The following PLEKHG7 variants were observed in gnomAD, a reference collection of about 807,000 sequenced individuals.
PLEKHG7 encodes the protein pleckstrin homology domain-containing family G member 7.
Under a neutral mutation model 85.2 loss-of-function variants are expected in PLEKHG7, and 77 were observed. The observed-to-expected ratio is 0.90, with a 90% CI of 0.75 to 1.09. PLEKHG7 has a LOEUF of 1.09. Among genes scored for constraint, PLEKHG7 ranks in the 50% least tolerant of loss-of-function variants. The probability of loss-of-function intolerance (pLI) is 0.00; values close to 1 mark genes in which losing one functional copy is unlikely to be tolerated. For synonymous variants in PLEKHG7, 301 were observed against 302.4 expected, an observed-to-expected ratio of 1.00 and a Z score of 0.05; for missense variants, 777 against 804.3, an observed-to-expected ratio of 0.97 and a Z score of 0.41.
intron 14 of PLEKHG7, among the ~76,000 whole-genome samples, chr12:92,762,595 C>G (rs1475561689): frequency 6.6e-6 from 1 of 152,150 alleles, no homozygotes; most frequent in Non-Finnish European, 1.5e-5. Context: ...ATTTCACAAT[C>G]TGTTTCCTGA....
At chr12:92,720,827 A>T (rs1203897369) in intron 3 of PLEKHG7, among the ~76,000 whole-genome samples, 1 of 152,202 alleles carries the variant, frequency 6.6e-6, no homozygotes, top group Middle Eastern at 3.2e-3. Flanking sequence ...ATTATACCCC[A>T]TTCTTTTTCC....
chr12:92,755,809 A>G lies in PLEKHG7; in HGVS notation c.1427-16A>G, dbSNP rs1872809424. On this transcript the variant is annotated splice_polypyrimidine_tract_variant and intron_variant, in intron 11 of 16. Coordinates refer to ENST00000344636, the MANE Select transcript of PLEKHG7 (RefSeq NM_001377329.1). ...ATATGCACCTAAAAATATACTGACT[A>G]TGTCATGTCTTTCAGGGGACCTTGA... The G allele has an allele frequency of 2.0e-6, 3 of 1,519,618 alleles. No homozygotes were observed. The highest frequency in any genetic ancestry group is 3.4e-5 in the Admixed American group (2 of 59,112). 94.1% of individuals were successfully genotyped at this position (1,519,618 alleles called of 1,614,324 possible). A position where few individuals can be genotyped will look rare whatever the true frequency, so the allele number is the denominator to read the frequency against.
intron 4 of PLEKHG7, among the ~76,000 whole-genome samples, chr12:92,730,475 C>T (rs1381662989): frequency 2.0e-5 from 3 of 152,226 alleles, no homozygotes; most frequent in Admixed American, 2.0e-4. Context: ...ATCAGAAACT[C>T]TGGGGGTGGT....
At chr12:92,734,405 A>C (rs146876396) in intron 5 of PLEKHG7, among the ~76,000 whole-genome samples, 2 of 152,142 alleles carry the variant, frequency 1.3e-5, no homozygotes, top group Non-Finnish European at 2.9e-5. Flanking sequence ...TACTGTTTGC[A>C]TGTATTCTTG....
At chr12:92,739,863 C>A (rs1383905967) in intron 7 of PLEKHG7, among the ~76,000 whole-genome samples, 1 of 152,196 alleles carries the variant, frequency 6.6e-6, no homozygotes. Context: ...AATTTCCAGA[C>A]AACCAATACT....
intron 3 of PLEKHG7, among the ~76,000 whole-genome samples, chr12:92,718,520 G>A (rs1455986225): frequency 6.6e-6 from 1 of 152,122 alleles, no homozygotes; most frequent in Non-Finnish European, 1.5e-5. Flanking sequence ...AAATGTTTAA[G>A]GAAAGAAAAA....
chr12:92,711,830 C>A (rs1479912853), intron 3 of PLEKHG7, among the ~76,000 whole-genome samples: 1 of 152,176 alleles, frequency 6.6e-6, no homozygotes, highest in Non-Finnish European at 1.5e-5. Flanking sequence ...TGTTGCAGAG[C>A]CTTCTGTTCT....
At chr12:92,723,479 T>C (rs947352694) in intron 3 of PLEKHG7, among the ~76,000 whole-genome samples, 1 of 152,194 alleles carries the variant, frequency 6.6e-6, no homozygotes, top group African/African-American at 2.4e-5. Flanking sequence ...TTAAAGAGTG[T>C]CAGTCTAATG....
chr12:92,771,281 G>C lies in PLEKHG7; in HGVS notation c.*1086G>C, dbSNP rs978235098. 6.6e-6 allele frequency: 1 copy of C among 152,048 alleles called. No individual in the cohort carries two copies. Among genetic ancestry groups the C allele is most frequent in the African/African-American group, 2.4e-5 (1 of 41,416 alleles). The allele number at this position is 152,048 out of a possible 1,614,324, so 9.4% of individuals were successfully genotyped here. On this transcript the variant is annotated 3_prime_UTR_variant, in exon 17 of 17. Transcript: ENST00000344636. ...TGGCTGCAAGACAACTGAAGCCTTA[G>C]CTGATTTTGTTAAGCTGAAGAATGG... is the stretch of plus-strand genomic sequence containing the variant.
intron 7 of PLEKHG7, among the ~76,000 whole-genome samples, chr12:92,737,801 G>A (rs1459112692): frequency 1.7e-5 from 2 of 118,254 alleles, no homozygotes. Flanking sequence ...GGCCAGGTGA[G>A]GCTTTTTTCT....
At chr12:92,724,155 A>G (rs1013350769) in intron 3 of PLEKHG7, among the ~76,000 whole-genome samples, 5 of 152,130 alleles carry the variant, frequency 3.3e-5, no homozygotes, top group African/African-American at 9.7e-5. Flanking sequence ...ATTTTATGTT[A>G]TGTAATACCT....
chr12:92,711,822 T>C (rs1871372606), intron 3 of PLEKHG7, among the ~76,000 whole-genome samples: 1 of 152,212 alleles, frequency 6.6e-6, no homozygotes, highest in African/African-American at 2.4e-5. Context: ...CCTGGACCTG[T>C]TGCAGAGCCT....
In PLEKHG7 at chr12:92,770,229, A is replaced by T. The variant is rs778452755; in HGVS notation, c.*34A>T. The T allele has an allele frequency of 1.4e-6, 2 of 1,432,708 alleles. No homozygotes were observed. The highest frequency in any genetic ancestry group is 4.6e-5 in the East Asian group (2 of 43,604). The allele number at this position is 1,432,708 out of a possible 1,614,324, so 88.7% of individuals were successfully genotyped here. ...AACAAGTGGCATGTCTTTTTAGAAG[A>T]TTATGGTTTAAGGTATAATTTCATT... On this transcript the variant is annotated 3_prime_UTR_variant, in exon 17 of 17. Transcript: ENST00000344636.
intron 3 of PLEKHG7, among the ~76,000 whole-genome samples, chr12:92,720,276 C>G (rs138157040): frequency 5.3e-5 from 8 of 151,828 alleles, no homozygotes; most frequent in Non-Finnish European, 1.2e-4. Flanking sequence ...TGCCTCTGTT[C>G]GTCTTCACAT....
At chr12:92,756,568 A>G (rs1872840062) in intron 13 of PLEKHG7, among the ~76,000 whole-genome samples, 177 bp downstream of exon 13, 1 of 152,270 alleles carries the variant, frequency 6.6e-6, no homozygotes, top group Non-Finnish European at 1.5e-5. Context: ...AGACTTCGCA[A>G]CATAACTAGC....
chr12:92,723,116 C>T (rs1379699966), intron 3 of PLEKHG7, among the ~76,000 whole-genome samples: 2 of 152,122 alleles, frequency 1.3e-5, no homozygotes, highest in Non-Finnish European at 2.9e-5. Flanking sequence ...GGCATGGAGG[C>T]GTAAAGTGCA....
chr12:92,714,048 T>G (rs1283916843), intron 3 of PLEKHG7, among the ~76,000 whole-genome samples: 1 of 152,242 alleles, frequency 6.6e-6, no homozygotes, highest in African/African-American at 2.4e-5. Flanking sequence ...TATTTTCAAG[T>G]GTAGGACCCC....
chr12:92,741,009 T>C lies in PLEKHG7; in HGVS notation c.1035+61T>C, dbSNP rs1243573692. ...ACTAGAGGACCATGAAAATTCATGC[T>C]TGGTCTGTTCTTATGGCTTGTATGC... On this transcript the variant is annotated intron_variant, in intron 8 of 16. Coordinates refer to ENST00000344636, the MANE Select transcript of PLEKHG7 (RefSeq NM_001377329.1). 6 of 1,242,986 alleles carry C rather than the reference T, an allele frequency of 4.8e-6. No homozygotes were observed. The African/African-American group carries it at 8.9e-5, about 18-fold the overall frequency. 77.0% of individuals were successfully genotyped at this position (1,242,986 alleles called of 1,614,324 possible). A position where few individuals can be genotyped will look rare whatever the true frequency, so the allele number is the denominator to read the frequency against.
intron 13 of PLEKHG7, among the ~76,000 whole-genome samples, chr12:92,761,166 T>C (rs1044575192): frequency 2.0e-5 from 3 of 152,216 alleles, no homozygotes; most frequent in Non-Finnish European, 4.4e-5. Context: ...CTTCAACATA[T>C]GAAATTTGAG....
Sources: gnomAD v4.1 joint callset for allele counts (sites outside exome capture counted in the v4.1 genomes callset) on GRCh38, gnomAD v4.1.1 for gene constraint, MANE v1.5 for transcripts, NCBI Gene and HGNC (gene_info 2026-07-23, HGNC 2026-07-21) for gene names.